The following SYNE1 variants were observed in gnomAD, a reference collection of about 807,000 sequenced individuals.
The protein encoded by SYNE1 is nesprin-1.
SYNE1 carries 616 observed loss-of-function variants against 1,111.0 expected under a neutral mutation model. That is an observed-to-expected ratio of 0.55 (90% CI 0.52 to 0.59). The LOEUF (loss-of-function observed/expected upper bound fraction) is 0.59. SYNE1 is among the 20% of genes least tolerant of loss of function. SYNE1 has a pLI of 0.00. For missense variants in SYNE1, 10,006 were observed against 10,417.0 expected (o/e 0.96, Z 1.72); for synonymous variants, 3,855 against 3,825.8 (o/e 1.01, Z -0.28).
chr6:152,319,043 C>T (rs767231854), intron 84 of SYNE1, 28 bp from the exon 85 acceptor site: 2 of 1,613,042 alleles, frequency 1.2e-6, no homozygotes, highest in African/African-American at 2.7e-5. Context: ...AACAGCAAAA[C>T]AAGCCATGGT....
At position 152,358,936 on chromosome 6, in the gene SYNE1, T is replaced by C. The variant is rs76264086; in HGVS notation, c.10443+379A>G. Reference sequence around the variant, plus strand: ...TAGTAGAATGCGCTCTGAAAAAGCATATTTATTTTCTTTGTGAGGACTAAA... The same window carrying C: ...TAGTAGAATGCGCTCTGAAAAAGCACATTTATTTTCTTTGTGAGGACTAAA... On this transcript the variant is annotated intron_variant, in intron 65 of 145. Coordinates refer to ENST00000367255, the MANE Select transcript of SYNE1 (RefSeq NM_182961.4). Among the ~76,000 whole-genome samples the C allele has an allele frequency of 8.9e-3, 1,351 of 152,352 alleles. 7 individuals carry two copies. Among genetic ancestry groups the C allele is most frequent in the Non-Finnish European group, 0.014 (969 of 68,022 alleles).
At chr6:152,209,404 T>C (rs1188983490) in intron 124 of SYNE1, among the ~76,000 whole-genome samples, 2 of 152,160 alleles carry the variant, frequency 1.3e-5, no homozygotes, top group Non-Finnish European at 2.9e-5. Flanking sequence ...AAATAAAATG[T>C]ACTAAGTAAA....
intron 3 of SYNE1, among the ~76,000 whole-genome samples, chr6:152,581,456 A>T (rs574676708): frequency 3.9e-5 from 6 of 152,320 alleles, no homozygotes; most frequent in African/African-American, 1.4e-4. Context: ...ACTGCATCCT[A>T]AAAGGATGAT....
At chr6:152,399,055 A>T (rs992661260) in intron 48 of SYNE1, among the ~76,000 whole-genome samples, 2 of 152,170 alleles carry the variant, frequency 1.3e-5, no homozygotes, top group Admixed American at 1.3e-4. Context: ...TAAAAAGTGC[A>T]AGGAGAGAAA....
At chr6:152,397,109 T>C (rs2097744751) in intron 49 of SYNE1, 129 bp from the exon 50 acceptor site, 7 of 882,348 alleles carry the variant, frequency 7.9e-6, no homozygotes, top group African/African-American at 3.3e-5. Flanking sequence ...GTAAAAATGA[T>C]GCATACAATT....
At chr6:152,279,868 C>T (rs1022944175) in intron 97 of SYNE1, among the ~76,000 whole-genome samples, 1 of 151,906 alleles carries the variant, frequency 6.6e-6, no homozygotes, top group Non-Finnish European at 1.5e-5. Context: ...GTTGATTTTA[C>T]CATTAGGCAC....
At chr6:152,453,149 A>C (rs1032901689) in intron 25 of SYNE1, among the ~76,000 whole-genome samples, 3 of 152,172 alleles carry the variant, frequency 2.0e-5, no homozygotes, top group African/African-American at 4.8e-5. Flanking sequence ...CTTGACTACA[A>C]AATGTTTTCA....
In SYNE1 at chr6:152,284,012, C is replaced by G. The variant is rs2094180576; in HGVS notation, c.18173G>C (p.Arg6058Thr). The G allele has an allele frequency of 6.2e-7, 1 of 1,614,126 alleles. No individual in the cohort carries two copies. The highest frequency in any genetic ancestry group is 1.1e-5 in the South Asian group (1 of 91,084). The change falls in exon 96 of 146, where the codon AGG (arginine) becomes ACG (threonine). Residue 6058 changes from arginine (R) to threonine (T), a missense_variant. Physicochemically the swap from Arg to Thr is moderately conservative, Grantham distance 71 (BLOSUM62 -1). Coordinates refer to ENST00000367255, the MANE Select transcript of SYNE1 (RefSeq NM_182961.4). The stretch of plus-strand genomic sequence containing the variant: ...CTGCCGTTTCCCCGAGGCTTTCATC[C>G]TGATGGTGGACATTCGCTCGGCTAA... ...TVLAERMSTI[R>T]MKASGKRQLL...
intron 39 of SYNE1, 30 bp downstream of exon 39, chr6:152,425,351 A>G (rs368578478): frequency 1.1e-5 from 17 of 1,607,886 alleles, no homozygotes; most frequent in East Asian, 2.2e-5. Flanking sequence ...CAAATGAACA[A>G]TATTAGAAGA....
chr6:152,262,899 G>T (rs2092217868), intron 100 of SYNE1, among the ~76,000 whole-genome samples: 1 of 151,258 alleles, frequency 6.6e-6, no homozygotes, highest in South Asian at 2.1e-4. Flanking sequence ...GGGCACGGAG[G>T]GATAGTACAG....
chr6:152,135,412 C>T (rs900007490), intron 141 of SYNE1, among the ~76,000 whole-genome samples, 180 bp from the exon 142 acceptor site: 1 of 152,136 alleles, frequency 6.6e-6, no homozygotes, highest in African/African-American at 2.4e-5. Context: ...ACGTTCTTAC[C>T]AAAAGCATCT....
At chr6:152,473,745 T>G (rs2098819744) in intron 14 of SYNE1, among the ~76,000 whole-genome samples, 1 of 152,190 alleles carries the variant, frequency 6.6e-6, no homozygotes, top group Admixed American at 6.5e-5. Context: ...AGCTTATGGT[T>G]GGGCTGAAAC....
intron 121 of SYNE1, among the ~76,000 whole-genome samples, chr6:152,216,865 C>G (rs376249697): frequency 1.3e-5 from 2 of 151,904 alleles, no homozygotes; most frequent in African/African-American, 4.8e-5. Flanking sequence ...ACCAGCCTGG[C>G]CAACATAGTG....
At chr6:152,517,604 G>A (rs2099118438) in intron 6 of SYNE1, among the ~76,000 whole-genome samples, 1 of 152,176 alleles carries the variant, frequency 6.6e-6, no homozygotes, top group Non-Finnish European at 1.5e-5. Context: ...TAAGAGAGTG[G>A]TTGAATAAAC....
At chr6:152,635,695 G>A (rs1426562400) in intron 2 of SYNE1, among the ~76,000 whole-genome samples, 1 of 152,112 alleles carries the variant, frequency 6.6e-6, no homozygotes, top group Non-Finnish European at 1.5e-5. Flanking sequence ...AAAAATGGAT[G>A]GGCATTAAAG....
chr6:152,123,815 G>A (rs985943525), intron 145 of SYNE1, among the ~76,000 whole-genome samples: 9 of 152,302 alleles, frequency 5.9e-5, no homozygotes, highest in East Asian at 5.8e-4. Context: ...TAATATGAGC[G>A]TGTGAAAGCT....
intron 73 of SYNE1, among the ~76,000 whole-genome samples, chr6:152,346,609 A>G (rs557780149): frequency 1.6e-4 from 24 of 152,034 alleles, no homozygotes; most frequent in South Asian, 2.1e-4. Flanking sequence ...AGGAGATCGA[A>G]ACCATCCTGG....
chr6:152,391,647 T>C (rs138552483), intron 51 of SYNE1, 79 bp from the exon 52 acceptor site: 2 of 1,471,506 alleles, frequency 1.4e-6, no homozygotes, highest in Non-Finnish European at 1.8e-6. Context: ...CAAATGATTG[T>C]TGATATTGGA....
At chr6:152,144,737 G>A (rs189382372) in intron 137 of SYNE1, 6 of 152,376 alleles carry the variant, frequency 3.9e-5, no homozygotes, top group East Asian at 3.9e-4. Flanking sequence ...TAGTAACTCC[G>A]TGATTCAATA....
Sources: allele counts gnomAD v4.1 joint callset (sites outside exome capture counted in the v4.1 genomes callset), GRCh38; gene constraint gnomAD v4.1.1; transcripts MANE v1.5; gene names NCBI Gene and HGNC (gene_info 2026-07-23, HGNC 2026-07-21).